Variants in METTL15 observed in about 807,000 individuals in gnomAD.
METTL15 encodes the protein 12S rRNA N(4)-cytidine methyltransferase METTL15.
Under a neutral mutation model 38.3 loss-of-function variants are expected in METTL15, and 34 were observed. The ratio of observed to expected loss-of-function variants is 0.89; its 90% CI spans 0.68 to 1.18. The LOEUF is 1.18. METTL15 is among the 50% of genes most tolerant of loss of function. METTL15 has a pLI of 0.00. For synonymous variants in METTL15, 162 were observed against 170.9 expected (o/e 0.95, Z 0.41); for missense variants, 438 against 498.4 (o/e 0.88, Z 1.15).
At chr11:28,525,027 C>T (rs559095562) in intron 6 of METTL15, among the ~76,000 whole-genome samples, 33 of 151,644 alleles carry the variant, frequency 2.2e-4, no homozygotes, top group Admixed American at 2.6e-4. Flanking sequence ...CTTAAGGCAG[C>T]GCGTCTGGAG....
chr11:28,392,371 T>C (rs906843281), intron 5 of METTL15, among the ~76,000 whole-genome samples: 2 of 152,042 alleles, frequency 1.3e-5, no homozygotes, highest in Admixed American at 6.6e-5. Context: ...CAGTGTAGAA[T>C]TGGTATAAGG....
chr11:28,518,346 G>A (rs552617858), intron 6 of METTL15, among the ~76,000 whole-genome samples: 63 of 152,210 alleles, frequency 4.1e-4, no homozygotes, highest in African/African-American at 1.5e-3. Flanking sequence ...CCCTTAATAG[G>A]AGTGCCTGGC....
At chr11:28,353,881 C>T (rs1010910834) in intron 4 of METTL15, among the ~76,000 whole-genome samples, 2 of 147,466 alleles carry the variant, frequency 1.4e-5, no homozygotes, top group African/African-American at 5.0e-5. Flanking sequence ...GCCGAGATTG[C>T]GCCACTGCAG....
chr11:28,241,296 G>A (rs531769462), intron 4 of METTL15, among the ~76,000 whole-genome samples: 146 of 152,260 alleles, frequency 9.6e-4, no homozygotes, highest in Admixed American at 2.8e-3. Context: ...CACTTTGGGA[G>A]GCTGAGGCAG....
chr11:28,475,001 C>G (rs1169002584), intron 6 of METTL15, among the ~76,000 whole-genome samples: 2 of 152,154 alleles, frequency 1.3e-5, no homozygotes, highest in Non-Finnish European at 2.9e-5. Context: ...TCCTCTCTCT[C>G]TCTTATTTAA....
chr11:28,282,227 G>A (rs1398889798), intron 4 of METTL15, among the ~76,000 whole-genome samples: 1 of 151,974 alleles, frequency 6.6e-6, no homozygotes, highest in Non-Finnish European at 1.5e-5. Context: ...CTCCTATTTG[G>A]TCTCTACCCA....
chr11:28,375,627 T>A (rs934246381), intron 5 of METTL15, among the ~76,000 whole-genome samples: 1 of 152,156 alleles, frequency 6.6e-6, no homozygotes, highest in African/African-American at 2.4e-5. Flanking sequence ...GCTCCTGGTT[T>A]CATTAATTTT....
intron 5 of METTL15, among the ~76,000 whole-genome samples, chr11:28,387,962 CAATT>C (rs1850457689): frequency 1.3e-5 from 2 of 152,036 alleles, no homozygotes; most frequent in African/African-American, 2.4e-5. Flanking sequence ...ATGATCATCT[CAATT>C]AATGCAGAAA....
intron 6 of METTL15, among the ~76,000 whole-genome samples, chr11:28,311,096 C>T (rs1301077055): frequency 6.6e-6 from 1 of 151,408 alleles, no homozygotes; most frequent in Non-Finnish European, 1.5e-5. Context: ...GCAGTTTGTT[C>T]ATCTTTTATC....
intron 3 of METTL15, among the ~76,000 whole-genome samples, chr11:28,135,395 G>T (rs1849482013): frequency 6.6e-6 from 1 of 152,176 alleles, no homozygotes; most frequent in South Asian, 2.1e-4. Context: ...AAATACCTAT[G>T]AGTTGGGTAA....
intron 6 of METTL15, among the ~76,000 whole-genome samples, chr11:28,426,307 T>C (rs902101656): frequency 1.3e-5 from 2 of 152,244 alleles, no homozygotes; most frequent in Non-Finnish European, 2.9e-5. Flanking sequence ...CATAGTATTG[T>C]ATATGTGCCA....
At chr11:28,522,532 A>G (rs1416927831) in intron 6 of METTL15, among the ~76,000 whole-genome samples, 1 of 152,222 alleles carries the variant, frequency 6.6e-6, no homozygotes, top group East Asian at 1.9e-4. Context: ...TTCGAAGTCC[A>G]CCAATTTAAA....
chr11:28,430,264 C>T (rs1304643773), intron 6 of METTL15, among the ~76,000 whole-genome samples: 14 of 144,198 alleles, frequency 9.7e-5, no homozygotes, highest in African/African-American at 3.3e-4. Flanking sequence ...CCGCCCCATC[C>T]GGGAGGGAGG....
At chr11:28,477,422 A>T (rs1362586878) in intron 6 of METTL15, 1 of 151,968 alleles carries the variant, frequency 6.6e-6, no homozygotes, top group Admixed American at 6.6e-5. Flanking sequence ...ACTTCAGGTT[A>T]TCCACCTCCT....
rs191638924 is a variant in METTL15 at position 28,504,575 on chromosome 11, A to G, written c.*425-21903A>G. Among the ~76,000 whole-genome samples, 191 of 152,348 alleles carry G rather than the reference A, an allele frequency of 1.3e-3. 1 individual carries two copies. The highest frequency in any genetic ancestry group is 3.4e-3 in the Middle Eastern group (1 of 294). On this transcript the variant is annotated intron_variant and NMD_transcript_variant, in intron 6 of 7. Transcript: ENST00000532947. The stretch of plus-strand genomic sequence containing the variant: ...TAAACCTATGGGTCAAACAAGGCCA[A>G]TCGTTTGCAATCTCTTAACTAAGTC...
At chr11:28,189,195 G>C (rs1851612788) in intron 3 of METTL15, among the ~76,000 whole-genome samples, 1 of 151,216 alleles carries the variant, frequency 6.6e-6, no homozygotes, top group Non-Finnish European at 1.5e-5. Flanking sequence ...ACAATTCCAT[G>C]ATTCATTTCT....
intron 6 of METTL15, among the ~76,000 whole-genome samples, chr11:28,442,400 G>T (rs1851042233): frequency 6.6e-6 from 1 of 151,988 alleles, no homozygotes; most frequent in South Asian, 2.1e-4. Flanking sequence ...ACTCTTTATG[G>T]TTTCGAAACA....
intron 4 of METTL15, among the ~76,000 whole-genome samples, chr11:28,262,221 A>T (rs1356061990): frequency 6.6e-6 from 1 of 152,068 alleles, no homozygotes. Flanking sequence ...TGAATGGCTC[A>T]CAGTCTACCA....
At chr11:28,480,218 C>A (rs1297357749) in intron 6 of METTL15, among the ~76,000 whole-genome samples, 1 of 152,120 alleles carries the variant, frequency 6.6e-6, no homozygotes, top group Admixed American at 6.6e-5. Flanking sequence ...ATATACTCAA[C>A]AAAGCAATAC....
Sources: allele counts gnomAD v4.1 joint callset (sites outside exome capture counted in the v4.1 genomes callset), GRCh38; gene constraint gnomAD v4.1.1; transcripts MANE v1.5; gene names NCBI Gene and HGNC (gene_info 2026-07-23, HGNC 2026-07-21).